The following CRIM1 variants were observed in gnomAD, a reference collection of about 807,000 sequenced individuals.
The protein encoded by CRIM1 is cysteine rich transmembrane BMP regulator 1, also known as cysteine-rich motor neuron 1 protein.
In CRIM1, 32 loss-of-function variants were observed where a neutral mutation model predicts 116.4. The ratio of observed to expected loss-of-function variants is 0.27; its 90% confidence interval spans 0.21 to 0.37. CRIM1 has a LOEUF of 0.37. Among genes scored for constraint, CRIM1 ranks in the 10% least tolerant of loss-of-function variants. CRIM1 has a pLI of 1.00. For synonymous variants in CRIM1, 590 were observed against 509.2 expected, an observed-to-expected ratio of 1.16 and a Z score of -2.13; for missense variants, 1,331 against 1,354.8, an observed-to-expected ratio of 0.98 and a Z score of 0.28.
chr2:36,548,921 A>T lies in CRIM1; in HGVS notation c.*220A>T, dbSNP rs1166477904. On this transcript the variant is annotated 3_prime_UTR_variant, in exon 17 of 17. Coordinates refer to ENST00000280527, the MANE Select transcript of CRIM1 (RefSeq NM_016441.3). ...CTGACCAAGTGTTTTCTTAGAACCAAAGTTTTTAAAGTTGCTAAGATATAT... is the reference window on the plus strand; with the variant it reads ...CTGACCAAGTGTTTTCTTAGAACCATAGTTTTTAAAGTTGCTAAGATATAT... 12 of 341,272 alleles carry T rather than the reference A, an allele frequency of 3.5e-5. No individual in the cohort carries two copies. The highest frequency in any genetic ancestry group is 5.3e-5 in the Non-Finnish European group (10 of 189,402). The allele number at this position is 341,272 out of a possible 1,614,324, so 21.1% of individuals were successfully genotyped here.
intron 2 of CRIM1, among the ~76,000 whole-genome samples, chr2:36,435,406 A>T (rs948322999): frequency 6.6e-6 from 1 of 151,978 alleles, no homozygotes; most frequent in African/African-American, 2.4e-5. Flanking sequence ...TCAAAATAGA[A>T]GTTTTCAGTG....
intron 4 of CRIM1, among the ~76,000 whole-genome samples, chr2:36,456,708 A>C (rs1677160595): frequency 6.6e-6 from 1 of 152,156 alleles, no homozygotes; most frequent in Non-Finnish European, 1.5e-5. Context: ...GCCAGATCCC[A>C]GCTGTAACAT....
Position 36,384,283 on chromosome 2 carries a change from G to C in CRIM1, c.332-12331G>C, listed in dbSNP as rs371817064. Among the ~76,000 whole-genome samples, 8 of 152,346 alleles carry C rather than the reference G, an allele frequency of 5.3e-5. No homozygotes were observed. The East Asian group carries it at 1.5e-3, about 29-fold the overall frequency. On this transcript the variant is annotated intron_variant, in intron 1 of 16. Coordinates refer to ENST00000280527, the MANE Select transcript of CRIM1 (RefSeq NM_016441.3). ...CCGGGGAAGGGAAGAGCAGCTGTCTGCACAGTGGGAGGTAACTGGACGGTC... is the reference window on the plus strand; with the variant it reads ...CCGGGGAAGGGAAGAGCAGCTGTCTCCACAGTGGGAGGTAACTGGACGGTC...
At chr2:36,480,134 T>G (rs1196154076) in intron 7 of CRIM1, among the ~76,000 whole-genome samples, 1 of 152,204 alleles carries the variant, frequency 6.6e-6, no homozygotes, top group Admixed American at 6.5e-5. Flanking sequence ...CACTGCCTAG[T>G]GCCGTCACCG....
intron 1 of CRIM1, among the ~76,000 whole-genome samples, chr2:36,373,493 TTGAC>T (rs1172328689): frequency 6.6e-6 from 1 of 152,196 alleles, no homozygotes; most frequent in African/African-American, 2.4e-5. Flanking sequence ...GAACCAGCCT[TTGAC>T]TGGCCTATCG....
At chr2:36,403,677 G>A (rs1672580291) in intron 2 of CRIM1, among the ~76,000 whole-genome samples, 1 of 152,144 alleles carries the variant, frequency 6.6e-6, no homozygotes, top group Admixed American at 6.5e-5. Flanking sequence ...CCAGATTGTG[G>A]GAGGACTATT....
At chr2:36,361,046 A>G (rs1486133782) in intron 1 of CRIM1, among the ~76,000 whole-genome samples, 2 of 152,188 alleles carry the variant, frequency 1.3e-5, no homozygotes, top group African/African-American at 2.4e-5. Flanking sequence ...AAAAGTAAAT[A>G]TTGGCAAAAC....
chr2:36,385,063 C>G (rs1005463475), intron 1 of CRIM1, among the ~76,000 whole-genome samples: 1 of 145,992 alleles, frequency 6.8e-6, no homozygotes, highest in Non-Finnish European at 1.5e-5. Context: ...TAAATAAGAC[C>G]AAACACAATC....
chr2:36,472,509 A>C (rs1678607791), intron 5 of CRIM1, among the ~76,000 whole-genome samples: 1 of 152,074 alleles, frequency 6.6e-6, no homozygotes, highest in Non-Finnish European at 1.5e-5. Context: ...GTGAAACCTA[A>C]GTGCCACAGT....
At chr2:36,529,205 C>T in intron 13 of CRIM1, 1 of 471,138 alleles carries the variant, frequency 2.1e-6, no homozygotes, top group South Asian at 1.5e-5. Flanking sequence ...GGGGGAAGAC[C>T]CCATCACAAG....
chr2:36,526,787 A>G (rs1665788054), intron 13 of CRIM1, among the ~76,000 whole-genome samples: 1 of 152,038 alleles, frequency 6.6e-6, no homozygotes, highest in African/African-American at 2.4e-5. Context: ...AAGAAAAAGT[A>G]CTACTTTGAT....
intron 1 of CRIM1, among the ~76,000 whole-genome samples, chr2:36,357,437 C>G (rs949626187): frequency 1.3e-5 from 2 of 151,984 alleles, no homozygotes; most frequent in African/African-American, 2.4e-5. Context: ...TTCTCCAGCA[C>G]GCATTGTGCT....
chr2:36,447,159 A>G (rs886887741), intron 4 of CRIM1, among the ~76,000 whole-genome samples: 6 of 152,352 alleles, frequency 3.9e-5, no homozygotes, highest in African/African-American at 1.4e-4. Flanking sequence ...GATTGAGATA[A>G]TAAGAGACTT....
At position 36,400,049 on chromosome 2, in the gene CRIM1, C is replaced by T. The variant is rs144806125; in HGVS notation, c.505+3262C>T. Among the ~76,000 whole-genome samples the T allele has an allele frequency of 1.8e-3, 267 of 152,092 alleles. 2 individuals are homozygous for T. The highest frequency in any genetic ancestry group is 5.9e-3 in the African/African-American group (243 of 41,480). On this transcript the variant is annotated intron_variant, in intron 2 of 16. Transcript: ENST00000280527. ...TGTGCAGTTTAGGTAGAGAGGTAGC[C>T]GGTTGGGTATTTTCTTGACCATTCT...
chr2:36,517,629 C>A, intron 12 of CRIM1, 87 bp downstream of exon 12: 2 of 1,364,872 alleles, frequency 1.5e-6, no homozygotes, highest in African/African-American at 1.4e-5. Flanking sequence ...AGGGCAGGAT[C>A]AGCCCCATAT....
At chr2:36,484,598 C>G (rs1679679738) in intron 7 of CRIM1, among the ~76,000 whole-genome samples, 1 of 152,132 alleles carries the variant, frequency 6.6e-6, no homozygotes, top group Non-Finnish European at 1.5e-5. Flanking sequence ...TTCCTGGGGA[C>G]TTTGAAGTCT....
chr2:36,431,273 T>A (rs185788756), intron 2 of CRIM1, among the ~76,000 whole-genome samples: 6 of 152,298 alleles, frequency 3.9e-5, no homozygotes, highest in Admixed American at 3.9e-4. Flanking sequence ...GTATGAAATG[T>A]TTTTATACTT....
intron 6 of CRIM1, among the ~76,000 whole-genome samples, chr2:36,477,573 T>C (rs892244289): frequency 4.6e-5 from 7 of 152,214 alleles, no homozygotes; most frequent in African/African-American, 9.6e-5. Context: ...TCTGAAAATA[T>C]GTGGTGGTTC....
chr2:36,397,335 C>G (rs1672099298), intron 2 of CRIM1, among the ~76,000 whole-genome samples: 1 of 152,136 alleles, frequency 6.6e-6, no homozygotes, highest in African/African-American at 2.4e-5. Context: ...GAAAATTATA[C>G]TGATATGGCT....
Sources: gnomAD v4.1 joint callset for allele counts (sites outside exome capture counted in the v4.1 genomes callset) on GRCh38, gnomAD v4.1.1 for gene constraint, MANE v1.5 for transcripts, NCBI Gene and HGNC (gene_info 2026-07-23, HGNC 2026-07-21) for gene names.